The following TRAPPC11 variants were observed in gnomAD, a reference collection of about 807,000 sequenced individuals.
The protein encoded by TRAPPC11 is trafficking protein particle complex subunit 11, also known as foie gras homolog.
A neutral mutation model predicts 151.2 loss-of-function variants in TRAPPC11; 104 were observed. The ratio of observed to expected loss-of-function variants is 0.69; its 90% CI spans 0.59 to 0.81. The LOEUF is 0.81. Among genes scored for constraint, TRAPPC11 ranks in the 30% least tolerant of loss-of-function variants. TRAPPC11 has a pLI of 0.00. For missense variants in TRAPPC11, 1,230 were observed against 1,349.6 expected (o/e 0.91, Z 1.39); for synonymous variants, 456 against 472.3 (o/e 0.97, Z 0.45).
rs1397037878 is a variant in TRAPPC11 at position 183,693,615 on chromosome 4, C to T, written c.2264C>T (p.Ser755Phe). The T allele has an allele frequency of 1.2e-6, 2 of 1,613,504 alleles. No individual in the cohort carries two copies. The highest frequency in any genetic ancestry group is 1.7e-6 in the Non-Finnish European group (2 of 1,179,872). The change falls in exon 21 of 30, where the codon TCT (serine) becomes TTT (phenylalanine). Residue 755 changes from serine (S) to phenylalanine (F), a missense_variant. Ser to Phe is a radical substitution (Grantham distance 155). Coordinates refer to ENST00000334690, the MANE Select transcript of TRAPPC11 (RefSeq NM_021942.6). ...ATCATATCCAGAGTCCCAAACATTT[C>T]TGTACATCTGCTACATGAACCCCCT... ...TMIISRVPNISVHLLHEPPAL... is the reference protein window; with the variant it reads ...TMIISRVPNIFVHLLHEPPAL...
Sources: allele counts gnomAD v4.1 joint callset, GRCh38; gene constraint gnomAD v4.1.1; transcripts MANE v1.5; gene names NCBI Gene and HGNC (gene_info 2026-07-23, HGNC 2026-07-21).